The following DARS1 variants were observed in gnomAD, a reference collection of about 807,000 sequenced individuals.
DARS1 encodes the protein aspartate--tRNA ligase, cytoplasmic.
Under a neutral mutation model 68.8 loss-of-function variants are expected in DARS1, and 51 were observed. The observed-to-expected ratio is 0.74, with a 90% CI of 0.59 to 0.94. The LOEUF (loss-of-function observed/expected upper bound fraction) is 0.94, where lower values mean the gene tolerates loss of function less well. DARS1 is among the 40% of genes least tolerant of loss of function. DARS1 has a pLI of 0.00. For missense variants in DARS1, 607 were observed against 597.3 expected (o/e 1.02, Z -0.17); for synonymous variants, 203 against 190.4 (o/e 1.07, Z -0.55).
Position 135,907,040 on chromosome 2 carries a change from TAACCATATGAATTTCTC to T in DARS1, c.*259_*275del. 1 of 217,300 alleles carries T rather than the reference TAACCATATGAATTTCTC, an allele frequency of 4.6e-6. No individual in the cohort carries two copies. Among genetic ancestry groups the T allele is most frequent in the African/African-American group, 2.3e-5 (1 of 43,336 alleles). 13.5% of individuals were successfully genotyped at this position (217,300 alleles called of 1,614,324 possible). A position where few individuals can be genotyped will look rare whatever the true frequency, so the allele number is the denominator to read the frequency against. On this transcript the variant is annotated 3_prime_UTR_variant, in exon 16 of 16. Transcript: ENST00000264161. The stretch of plus-strand genomic sequence containing the variant: ...AGTAACAGAATATGAATTTGTAACA[TAACCATATGAATTTCTC>T]AAGTTATTTCCTACTGATGCATGTC...
At chr2:135,939,978 T>C (rs1047100988) in intron 5 of DARS1, among the ~76,000 whole-genome samples, 4 of 152,112 alleles carry the variant, frequency 2.6e-5, no homozygotes, top group African/African-American at 7.2e-5. Context: ...AATCCCTCAA[T>C]AGACCAATAA....
chr2:135,925,388 G>A (rs1681192396), intron 7 of DARS1, among the ~76,000 whole-genome samples: 1 of 152,136 alleles, frequency 6.6e-6, no homozygotes, highest in Non-Finnish European at 1.5e-5. Flanking sequence ...AGGTGAAGAA[G>A]GTGTCTTCTT....
chr2:135,944,438 A>T (rs907197016), intron 4 of DARS1, among the ~76,000 whole-genome samples: 19 of 152,192 alleles, frequency 1.2e-4, no homozygotes, highest in African/African-American at 4.6e-4. Context: ...CTTACTTTAA[A>T]CAAGAGAACA....
At chr2:135,976,174 G>T (rs889798613) in intron 3 of DARS1, among the ~76,000 whole-genome samples, 1 of 152,132 alleles carries the variant, frequency 6.6e-6, no homozygotes, top group Non-Finnish European at 1.5e-5. Context: ...TTTTGTAAAA[G>T]AAAAAGTATC....
chr2:135,974,601 C>T (rs936534160), intron 3 of DARS1, among the ~76,000 whole-genome samples: 1 of 152,172 alleles, frequency 6.6e-6, no homozygotes, highest in African/African-American at 2.4e-5. Flanking sequence ...TTTCTAATGA[C>T]ATTTTATGTA....
chr2:135,943,812 G>A (rs189641644), intron 4 of DARS1, among the ~76,000 whole-genome samples: 2 of 152,192 alleles, frequency 1.3e-5, no homozygotes, highest in East Asian at 3.9e-4. Flanking sequence ...CCCTATTTTT[G>A]AGAATCACTA....
chr2:135,957,957 G>C (rs1671228328), intron 4 of DARS1, among the ~76,000 whole-genome samples: 2 of 151,890 alleles, frequency 1.3e-5, no homozygotes, highest in South Asian at 4.2e-4. Flanking sequence ...CTGACATTTG[G>C]TTTACTCTAT....
chr2:135,925,986 G>C (rs1210833531), intron 7 of DARS1, among the ~76,000 whole-genome samples: 1 of 152,162 alleles, frequency 6.6e-6, no homozygotes, highest in Non-Finnish European at 1.5e-5. Context: ...CACCTCCTGG[G>C]TTCAAGTGAT....
intron 3 of DARS1, among the ~76,000 whole-genome samples, chr2:135,975,732 T>C (rs1204593449): frequency 7.1e-6 from 1 of 140,890 alleles, no homozygotes; most frequent in African/African-American, 2.7e-5. Context: ...CCAGCCTGTG[T>C]GACAGGGCAA....
At chr2:135,911,809 AC>A (rs750798975) in intron 13 of DARS1, among the ~76,000 whole-genome samples, 2 of 152,196 alleles carry the variant, frequency 1.3e-5, no homozygotes, top group African/African-American at 2.4e-5. Context: ...TTTTGGGGTG[AC>A]TTTTGGAACT....
At chr2:135,973,474 C>CAA (rs59584448) in intron 3 of DARS1, among the ~76,000 whole-genome samples, 4 of 140,950 alleles carry the variant, frequency 2.8e-5, no homozygotes, top group Admixed American at 1.4e-4. Context: ...TAATGGGTAC[C>CAA]AAAAAAAAAA....
At position 135,954,325 on chromosome 2, in the gene DARS1, C is replaced by CAA. The variant is rs1172207033; in HGVS notation, c.320+7069_320+7070dup. Among the ~76,000 whole-genome samples, 1,323 of 81,316 alleles carry CAA rather than the reference C, an allele frequency of 0.016. 39 individuals carry two copies. The East Asian group carries it at 0.17, about 10-fold the overall frequency. 53.3% of individuals were successfully genotyped at this position (81,316 alleles called of 152,430 possible). ...AAAAACAAAACCAAAAAAACAAAAC[C>CAA]AAAAAAAAAAAAAAAAAAAAGAGAG... On this transcript the variant is annotated intron_variant, in intron 4 of 15. Coordinates refer to ENST00000264161, the MANE Select transcript of DARS1 (RefSeq NM_001349.4).
chr2:135,916,484 A>G, intron 10 of DARS1, 112 bp from the exon 11 acceptor site: 1 of 502,612 alleles, frequency 2.0e-6, no homozygotes, highest in Non-Finnish European at 3.6e-6. Flanking sequence ...ATACACCAGG[A>G]AAAGCATTAT....
chr2:135,964,840 C>CAA (rs372676148), intron 3 of DARS1, among the ~76,000 whole-genome samples: 9,204 of 49,088 alleles, frequency 0.19, 946 homozygotes, highest in East Asian at 0.37. Context: ...GACTCCACCT[C>CAA]AAAAAAAAAA....
intron 4 of DARS1, among the ~76,000 whole-genome samples, chr2:135,952,183 G>A (rs1321634181): frequency 6.6e-6 from 1 of 152,204 alleles, no homozygotes; most frequent in Non-Finnish European, 1.5e-5. Flanking sequence ...GGCAGAGGTT[G>A]CAGTAAGCCG....
intron 9 of DARS1, 70 bp from the exon 10 acceptor site, chr2:135,920,670 C>A: frequency 6.7e-7 from 1 of 1,482,862 alleles, no homozygotes; most frequent in South Asian, 1.4e-5. Flanking sequence ...GATTTAAATA[C>A]AAACTTTTAT....
At chr2:135,985,635 C>T, upstream of DARS1, 1 of 1,437,892 alleles carries the variant, frequency 7.0e-7, no homozygotes, top group Non-Finnish European at 9.2e-7. Flanking sequence ...ATCGCGAGAG[C>T]TGCGGCTATC....
intron 5 of DARS1, among the ~76,000 whole-genome samples, chr2:135,939,198 G>A (rs932999945): frequency 2.0e-5 from 3 of 152,140 alleles, no homozygotes; most frequent in Admixed American, 2.0e-4. Context: ...CAAATCAACA[G>A]AATATACATT....
rs192405830 is a variant in DARS1 at position 135,958,105 on chromosome 2, A to T, written c.320+3291T>A. ...TAGAGTCAGGATATTTCAGCTTCAC[A>T]ATTAACCAAAATTCTGCAAAGAGTA... On this transcript the variant is annotated intron_variant, in intron 4 of 15. Transcript: ENST00000264161. Among the ~76,000 whole-genome samples, 39 of 152,334 alleles carry T rather than the reference A, an allele frequency of 2.6e-4. 1 individual carries two copies. In the Middle Eastern group the frequency reaches 0.01, roughly 40 times the overall value.
Sources: gnomAD v4.1 joint callset for allele counts (sites outside exome capture counted in the v4.1 genomes callset) on GRCh38, gnomAD v4.1.1 for gene constraint, MANE v1.5 for transcripts, NCBI Gene and HGNC (gene_info 2026-07-23, HGNC 2026-07-21) for gene names.